The following PIERCE2 variants were observed in gnomAD, a reference collection of about 807,000 sequenced individuals.
The protein encoded by PIERCE2 is piercer of microtubule wall 2.
the PIERCE2 span, among the ~76,000 whole-genome samples, chr15:55,409,634 C>T: frequency 6.6e-6 from 1 of 152,134 alleles, no homozygotes; most frequent in Non-Finnish European, 1.5e-5. Context: ...CTATATTCAA[C>T]ATCAACAGTG....
the PIERCE2 span, among the ~76,000 whole-genome samples, chr15:55,412,877 C>T: frequency 1.3e-5 from 2 of 152,256 alleles, no homozygotes; most frequent in South Asian, 2.1e-4. Flanking sequence ...TGCCTGTAAT[C>T]CCAGTGCTGT....
the PIERCE2 span, among the ~76,000 whole-genome samples, chr15:55,414,247 C>T: frequency 2.7e-5 from 4 of 149,444 alleles, no homozygotes; most frequent in Non-Finnish European, 3.0e-5. Context: ...ACTCTTGTTG[C>T]CCCGGCTGGA....
the PIERCE2 span, among the ~76,000 whole-genome samples, chr15:55,416,550 G>A: frequency 2.1e-4 from 32 of 151,886 alleles, no homozygotes; most frequent in Non-Finnish European, 4.3e-4. Context: ...ACCACCATCC[G>A]CCCAAGTGTT....
chr15:55,411,604 G>A, the PIERCE2 span, among the ~76,000 whole-genome samples: 23 of 152,120 alleles, frequency 1.5e-4, no homozygotes, highest in Non-Finnish European at 2.9e-4. Context: ...TGGCCATCAT[G>A]GTGAAACCCC....
chr15:55,410,696 G>A, the PIERCE2 span: 1 of 152,176 alleles, frequency 6.6e-6, no homozygotes, highest in East Asian at 1.9e-4. Context: ...GAAGGAGATA[G>A]TATTAACAAC....
chr15:55,417,663 TTAGCA>T, the PIERCE2 span: 3 of 153,128 alleles, frequency 2.0e-5, no homozygotes, highest in Non-Finnish European at 2.9e-5. Flanking sequence ...AAAAGGTAAC[TTAGCA>T]TATTTTTGAC....
At chr15:55,412,182 C>T in the PIERCE2 span, among the ~76,000 whole-genome samples, 1 of 151,400 alleles carries the variant, frequency 6.6e-6, no homozygotes, top group African/African-American at 2.4e-5. Context: ...ATCTCCACAA[C>T]CATAGGAACT....
chr15:55,416,967 C>A, the PIERCE2 span, among the ~76,000 whole-genome samples: 1 of 151,904 alleles, frequency 6.6e-6, no homozygotes, highest in Non-Finnish European at 1.5e-5. Context: ...TCTCAAAAAA[C>A]AAACACACAA....
At chr15:55,415,534 C>G in the PIERCE2 span, among the ~76,000 whole-genome samples, 1 of 151,990 alleles carries the variant, frequency 6.6e-6, no homozygotes, top group African/African-American at 2.4e-5. Flanking sequence ...CTCCAACAAC[C>G]TAGCTCCCTG....
At chr15:55,414,199 G>T in the PIERCE2 span, among the ~76,000 whole-genome samples, 3 of 40,878 alleles carry the variant, frequency 7.3e-5, no homozygotes, top group Admixed American at 9.9e-4. Context: ...GCCAGGCCTG[G>T]TTTTTTTTTG....
At chr15:55,418,638 G>A in the PIERCE2 span, 14 of 1,057,448 alleles carry the variant, frequency 1.3e-5, no homozygotes, top group Non-Finnish European at 1.8e-5. Context: ...TCTAAGGGTA[G>A]AATACCTAAT....
chr15:55,411,364 T>G, the PIERCE2 span, among the ~76,000 whole-genome samples: 1 of 151,964 alleles, frequency 6.6e-6, no homozygotes, highest in Non-Finnish European at 1.5e-5. Flanking sequence ...CTCTGGAAGC[T>G]GAGGCAGGGG....
At chr15:55,417,974 A>C in the PIERCE2 span, 1 of 657,910 alleles carries the variant, frequency 1.5e-6, no homozygotes, top group Non-Finnish European at 2.5e-6. Context: ...TTCACAAGGT[A>C]ATGTCATCAG....
At chr15:55,413,248 A>C in the PIERCE2 span, among the ~76,000 whole-genome samples, 1 of 151,152 alleles carries the variant, frequency 6.6e-6, no homozygotes, top group African/African-American at 2.4e-5. Context: ...GGCCTGGGCA[A>C]AAGAGTGAGA....
the PIERCE2 span, among the ~76,000 whole-genome samples, chr15:55,412,716 A>G: frequency 6.6e-6 from 1 of 152,092 alleles, no homozygotes; most frequent in African/African-American, 2.4e-5. Context: ...GCAGTGCACT[A>G]TTATCCCATT....
the PIERCE2 span, among the ~76,000 whole-genome samples, chr15:55,412,640 T>C: frequency 6.6e-6 from 1 of 152,292 alleles, no homozygotes; most frequent in East Asian, 1.9e-4. Context: ...CACTGTGGCA[T>C]GTACCTGAAG....
chr15:55,417,889 G>C, the PIERCE2 span: 1 of 424,166 alleles, frequency 2.4e-6, no homozygotes, highest in Non-Finnish European at 4.2e-6. Context: ...CAGTCAAAGG[G>C]GGTTATTCTG....
At chr15:55,412,093 CAAAAA>C in the PIERCE2 span, among the ~76,000 whole-genome samples, 1 of 82,066 alleles carries the variant, frequency 1.2e-5, no homozygotes, top group Non-Finnish European at 2.2e-5. Context: ...TTTGTCTCCA[CAAAAA>C]AAAAAAAAAA....
chr15:55,409,567 CAA>C, the PIERCE2 span, among the ~76,000 whole-genome samples: 4 of 152,148 alleles, frequency 2.6e-5, no homozygotes, highest in Admixed American at 1.3e-4. Context: ...TGAGCAGAGA[CAA>C]AAGAGTGCCT....
Sources: allele counts gnomAD v4.1 joint callset (sites outside exome capture counted in the v4.1 genomes callset), GRCh38; gene constraint gnomAD v4.1.1; transcripts MANE v1.5; gene names NCBI Gene and HGNC (gene_info 2026-07-23, HGNC 2026-07-21).